NCALD: variants seen among roughly 807,000 people sequenced by gnomAD.
NCALD encodes neurocalcin delta, also known as neurocalcin-delta.
Under a neutral mutation model 18.6 loss-of-function variants are expected in NCALD, and 10 were observed. The ratio of observed to expected loss-of-function variants is 0.54; its 90% confidence interval spans 0.33 to 0.91. The LOEUF is 0.91. Ranked by LOEUF, NCALD falls within the 40% of genes least tolerant of loss-of-function variation. The probability of loss-of-function intolerance (pLI) is 0.03; values close to 1 mark genes in which losing one functional copy is unlikely to be tolerated. For synonymous variants in NCALD, 88 were observed against 87.4 expected, an observed-to-expected ratio of 1.01 and a Z score of -0.04; for missense variants, 184 against 247.6, an observed-to-expected ratio of 0.74 and a Z score of 1.72.
At chr8:101,936,853 C>T (rs1309851610) in intron 2 of NCALD, among the ~76,000 whole-genome samples, 1 of 152,160 alleles carries the variant, frequency 6.6e-6, no homozygotes, top group Admixed American at 6.5e-5. Flanking sequence ...AACTCTCTTC[C>T]ACATGACCTC....
intron 2 of NCALD, among the ~76,000 whole-genome samples, chr8:101,985,251 C>T (rs906920897): frequency 1.3e-5 from 2 of 152,140 alleles, no homozygotes; most frequent in African/African-American, 4.8e-5. Flanking sequence ...TCCCAGCTGC[C>T]AGTCATGTGA....
At chr8:102,123,813 G>C (rs1647603329) in intron 1 of NCALD, 2 of 150,550 alleles carry the variant, frequency 1.3e-5, no homozygotes, top group African/African-American at 4.8e-5. Flanking sequence ...CGGGTGCCCC[G>C]GCCCCCGGCC....
chr8:102,005,600 G>C (rs200636550), intron 2 of NCALD, among the ~76,000 whole-genome samples: 3 of 152,034 alleles, frequency 2.0e-5, no homozygotes, highest in Non-Finnish European at 2.9e-5. Context: ...CGGCACTATT[G>C]ACAATAGCAA....
chr8:101,692,082 C>A, intron 3 of NCALD: 7 of 972,762 alleles, frequency 7.2e-6, no homozygotes, highest in Non-Finnish European at 8.6e-6. Context: ...TTAGGCTAAT[C>A]CTAACAACTG....
chr8:101,759,323 G>A (rs1315538197), intron 1 of NCALD, among the ~76,000 whole-genome samples: 2 of 152,100 alleles, frequency 1.3e-5, no homozygotes, highest in East Asian at 1.9e-4. Context: ...CCAGAAAGTT[G>A]TCAGTGTCTT....
chr8:101,850,083 G>T (rs1030460812), intron 4 of NCALD, among the ~76,000 whole-genome samples: 2 of 152,176 alleles, frequency 1.3e-5, no homozygotes, highest in African/African-American at 2.4e-5. Context: ...GCTCTGCCGG[G>T]TGTTATCCAG....
chr8:102,009,054 T>A lies in NCALD; in HGVS notation c.-157+11183A>T, dbSNP rs541134445. 8.3e-4 allele frequency among the ~76,000 whole-genome samples: 126 copies of A among 152,244 alleles called. 1 individual carries two copies. The highest frequency in any genetic ancestry group is 2.7e-3 in the African/African-American group (111 of 41,518). ...AAAATAAAAAAGTGGAGAAGGGTAA[T>A]TTTTAAAAAATATCTGTCTCTCTGC... On this transcript the variant is annotated intron_variant, in intron 2 of 6. Coordinates refer to the NCALD transcript ENST00000311028.
At chr8:101,748,146 G>T (rs550456799) in intron 1 of NCALD, among the ~76,000 whole-genome samples, 3 of 152,214 alleles carry the variant, frequency 2.0e-5, no homozygotes, top group African/African-American at 7.2e-5. Flanking sequence ...TATCCCAAAG[G>T]CTCAGGTTTG....
chr8:101,888,387 ACTTT>A (rs368550773), intron 3 of NCALD, among the ~76,000 whole-genome samples: 17 of 151,626 alleles, frequency 1.1e-4, no homozygotes, highest in African/African-American at 2.4e-4. Flanking sequence ...ATTTAGCTGG[ACTTT>A]CTTTTTTATT....
chr8:102,117,378 A>G (rs1166685800), intron 1 of NCALD, among the ~76,000 whole-genome samples: 2 of 152,178 alleles, frequency 1.3e-5, no homozygotes, highest in Non-Finnish European at 2.9e-5. Context: ...GCTTTCATGT[A>G]TGTGAAGAAA....
chr8:102,079,490 G>A (rs1824454692), intron 1 of NCALD, among the ~76,000 whole-genome samples: 1 of 151,004 alleles, frequency 6.6e-6, no homozygotes, highest in Non-Finnish European at 1.5e-5. Context: ...CTCCTGTCAT[G>A]GAACATGATC....
rs186159967 is a variant in NCALD at position 101,966,231 on chromosome 8, T to C, written c.-156-50373A>G. Among the ~76,000 whole-genome samples the C allele has an allele frequency of 1.6e-3, 236 of 151,636 alleles. 3 individuals are homozygous for C. Among genetic ancestry groups the C allele is most frequent in the South Asian group, 9.8e-3 (47 of 4,788 alleles). ...AGTTACCCATTTTTTACAAATCAAG[T>C]TGGCAAAGCTTTTTTTAAAGGTTAA... On this transcript the variant is annotated intron_variant, in intron 2 of 6. Coordinates refer to the NCALD transcript ENST00000311028.
chr8:101,855,725 A>G (rs545940920), intron 4 of NCALD, among the ~76,000 whole-genome samples: 5 of 152,178 alleles, frequency 3.3e-5, no homozygotes, highest in Non-Finnish European at 5.9e-5. Context: ...TTATGGGTGA[A>G]GAGAAAGCAT....
chr8:102,074,418 C>T (rs1334932598), intron 1 of NCALD, among the ~76,000 whole-genome samples: 1 of 152,172 alleles, frequency 6.6e-6, no homozygotes, highest in Non-Finnish European at 1.5e-5. Context: ...TGGGCAAACT[C>T]GCATTCTATT....
chr8:101,830,308 C>G (rs187777704), intron 4 of NCALD, among the ~76,000 whole-genome samples: 8 of 152,302 alleles, frequency 5.3e-5, no homozygotes, highest in Admixed American at 5.2e-4. Context: ...TGCCTGTAAT[C>G]CCAGTACTTT....
intron 1 of NCALD, chr8:101,750,704 C>T (rs1289792518): frequency 6.6e-6 from 1 of 152,248 alleles, no homozygotes; most frequent in Non-Finnish European, 1.5e-5. Flanking sequence ...AGCAAACAGA[C>T]AACACTTGGC....
chr8:101,833,610 GTTTTTTTTTT>G lies in NCALD; in HGVS notation c.-20+53521_-20+53530del, dbSNP rs555031298. Among the ~76,000 whole-genome samples, 15 of 88,466 alleles carry G rather than the reference GTTTTTTTTTT, an allele frequency of 1.7e-4. No homozygotes were observed. The East Asian group carries it at 2.0e-3, about 12-fold the overall frequency. The allele number at this position is 88,466 out of a possible 152,430, so 58.0% of individuals were successfully genotyped here. On this transcript the variant is annotated intron_variant, in intron 4 of 6. Coordinates refer to the NCALD transcript ENST00000311028. ...ATGAAATTACTGTTTTTTGTTTCTT[GTTTTTTTTTT>G]TTTTTTTTTTTTTGGTAACAATTTT...
intron 1 of NCALD, among the ~76,000 whole-genome samples, chr8:102,072,223 C>T (rs559737287): frequency 3.7e-4 from 56 of 152,162 alleles, no homozygotes; most frequent in Admixed American, 1.0e-3. Flanking sequence ...TCATTAAAAT[C>T]ACAATGAAAT....
intron 1 of NCALD, among the ~76,000 whole-genome samples, chr8:101,731,044 C>T (rs1816807555): frequency 6.6e-6 from 1 of 152,076 alleles, no homozygotes; most frequent in South Asian, 2.1e-4. Context: ...CCAGGGAAGA[C>T]CCCACTGAGA....
Sources: allele counts gnomAD v4.1 joint callset (sites outside exome capture counted in the v4.1 genomes callset), GRCh38; gene constraint gnomAD v4.1.1; transcripts MANE v1.5; gene names NCBI Gene and HGNC (gene_info 2026-07-23, HGNC 2026-07-21).